The following CTNND2 variants were observed in gnomAD, a reference collection of about 807,000 sequenced individuals.
CTNND2 encodes catenin delta 2.
Under a neutral mutation model 144.4 loss-of-function variants are expected in CTNND2, and 22 were observed. The ratio of observed to expected loss-of-function variants is 0.15; its 90% CI spans 0.11 to 0.22. The LOEUF is 0.22. CTNND2 is among the 10% of genes least tolerant of loss of function. The probability of loss-of-function intolerance (pLI) is 1.00; values close to 1 mark genes in which losing one functional copy is unlikely to be tolerated. For synonymous variants in CTNND2, 751 were observed against 695.6 expected (o/e 1.08, Z -1.25); for missense variants, 1,353 against 1,618.8 (o/e 0.84, Z 2.82).
intron 2 of CTNND2, among the ~76,000 whole-genome samples, chr5:11,592,107 T>C (rs1263045235): frequency 2.0e-5 from 3 of 151,222 alleles, no homozygotes; most frequent in Non-Finnish European, 4.4e-5. Flanking sequence ...CAGGAACCTA[T>C]CTACCTTCCT....
chr5:11,643,216 T>C (rs1782159191), intron 2 of CTNND2, among the ~76,000 whole-genome samples: 1 of 130,516 alleles, frequency 7.7e-6, no homozygotes, highest in Admixed American at 7.2e-5. Flanking sequence ...TAATATTTTA[T>C]TTTTTATTTT....
intron 2 of CTNND2, among the ~76,000 whole-genome samples, chr5:11,645,835 G>T (rs993884456): frequency 3.3e-5 from 5 of 151,940 alleles, no homozygotes; most frequent in Non-Finnish European, 7.4e-5. Context: ...AAGTACAGTA[G>T]GAAATTTCAT....
At chr5:11,662,215 A>ATATG (rs771523388) in intron 2 of CTNND2, among the ~76,000 whole-genome samples, 2 of 102,302 alleles carry the variant, frequency 2.0e-5, no homozygotes, top group African/African-American at 1.4e-4. Flanking sequence ...GTATATATAT[A>ATATG]CATATATGTG....
At chr5:11,387,525 C>T (rs1759214340) in intron 6 of CTNND2, among the ~76,000 whole-genome samples, 1 of 152,164 alleles carries the variant, frequency 6.6e-6, no homozygotes. Flanking sequence ...TGAAGCTCTA[C>T]TGGGGTTCCC....
chr5:11,672,126 A>G (rs193269278), intron 2 of CTNND2, among the ~76,000 whole-genome samples: 2 of 152,318 alleles, frequency 1.3e-5, no homozygotes, highest in East Asian at 3.9e-4. Context: ...AGATCAGCAA[A>G]GATTCCTGCC....
At chr5:11,704,866 GT>G (rs748050004) in intron 2 of CTNND2, among the ~76,000 whole-genome samples, 10 of 151,678 alleles carry the variant, frequency 6.6e-5, no homozygotes, top group Non-Finnish European at 1.0e-4. Context: ...ATAATCACAC[GT>G]AATAAAAATG....
At chr5:11,501,731 T>C (rs552670608) in intron 3 of CTNND2, among the ~76,000 whole-genome samples, 1 of 151,534 alleles carries the variant, frequency 6.6e-6, no homozygotes, top group African/African-American at 2.4e-5. Context: ...GGCAGGAGGC[T>C]GGGCATGTGG....
At chr5:11,251,901 C>CTT (rs1743695998) in intron 9 of CTNND2, among the ~76,000 whole-genome samples, 1 of 152,104 alleles carries the variant, frequency 6.6e-6, no homozygotes, top group Admixed American at 6.5e-5. Context: ...CGTTTTATGA[C>CTT]TTTGAAAGTC....
chr5:11,082,852 A>G lies in CTNND2; in HGVS notation c.2638-6T>C, dbSNP rs770532897. The G allele has an allele frequency of 2.5e-6, 4 of 1,613,360 alleles. No homozygotes were observed. The highest frequency in any genetic ancestry group is 2.7e-5 in the African/African-American group (2 of 74,874). ...GCTCGGATATATACTGACCACTGCA[A>G]AAACAGGGAAGGCGAAGGGCGTTAG... On this transcript the variant is annotated splice_region_variant and splice_polypyrimidine_tract_variant and intron_variant, in intron 15 of 21. Transcript: ENST00000304623.
At chr5:11,594,347 C>A (rs574047732) in intron 2 of CTNND2, among the ~76,000 whole-genome samples, 1 of 152,024 alleles carries the variant, frequency 6.6e-6, no homozygotes, top group South Asian at 2.1e-4. Flanking sequence ...TAGCAAAAAC[C>A]AAAATTTTTC....
intron 13 of CTNND2, 89 bp downstream of exon 13, chr5:11,117,361 G>T: frequency 1.0e-6 from 1 of 957,452 alleles, no homozygotes; most frequent in Non-Finnish European, 1.7e-6. Flanking sequence ...CTGAAATACT[G>T]CATTGGCTCT....
chr5:11,382,494 AG>A (rs1431765351), intron 7 of CTNND2, among the ~76,000 whole-genome samples: 2 of 151,982 alleles, frequency 1.3e-5, no homozygotes, highest in African/African-American at 4.8e-5. Context: ...AGCTATCGGG[AG>A]GCTGAGGCGG....
chr5:11,750,900 T>C (rs1264612112), intron 1 of CTNND2, among the ~76,000 whole-genome samples: 1 of 151,836 alleles, frequency 6.6e-6, no homozygotes, highest in African/African-American at 2.4e-5. Flanking sequence ...ACTATGACTA[T>C]GAATACTCAT....
chr5:11,022,916 G>T lies in CTNND2; in HGVS notation c.2852C>A (p.Ala951Glu). 1 of 1,614,212 alleles carries T rather than the reference G, an allele frequency of 6.2e-7. No homozygotes were observed. Among genetic ancestry groups the T allele is most frequent in the Non-Finnish European group, 8.5e-7 (1 of 1,180,022 alleles). The change falls in exon 17 of 22, where the codon GCA (alanine) becomes GAA (glutamate). Residue 951 changes from alanine to glutamate, a missense_variant. Coordinates refer to ENST00000304623, the MANE Select transcript of CTNND2 (RefSeq NM_001332.4). ...TGTGTCATCCGACATGGCCTTGCTTGCAGTGTTGTTGCTGTTGTTCCCTCC... is the reference window on the plus strand; with the variant it reads ...TGTGTCATCCGACATGGCCTTGCTTTCAGTGTTGTTGCTGTTGTTCCCTCC... ...LPGGNNSNNTASKAMSDDTVT... is the reference protein window; with the variant it reads ...LPGGNNSNNTESKAMSDDTVT...
chr5:11,257,780 C>G (rs980776912), intron 9 of CTNND2, among the ~76,000 whole-genome samples: 2 of 152,218 alleles, frequency 1.3e-5, no homozygotes, highest in Admixed American at 1.3e-4. Context: ...TGTCCTGCCT[C>G]TCAGTGTCCC....
At chr5:11,431,204 T>C (rs1328688446) in intron 3 of CTNND2, among the ~76,000 whole-genome samples, 1 of 152,186 alleles carries the variant, frequency 6.6e-6, no homozygotes, top group Non-Finnish European at 1.5e-5. Context: ...GCTGGTATTC[T>C]ACGACTTAAG....
intron 2 of CTNND2, among the ~76,000 whole-genome samples, chr5:11,651,789 T>C (rs906350375): frequency 1.3e-5 from 2 of 152,258 alleles, no homozygotes; most frequent in African/African-American, 4.8e-5. Context: ...CCTCTTTGTT[T>C]TGGCTGATTT....
intron 6 of CTNND2, among the ~76,000 whole-genome samples, chr5:11,394,174 C>T (rs1759872033): frequency 6.6e-6 from 1 of 152,196 alleles, no homozygotes; most frequent in Admixed American, 6.5e-5. Flanking sequence ...CCCATAGAAA[C>T]CATCACTTTC....
chr5:11,690,397 G>A (rs781499971), intron 2 of CTNND2, among the ~76,000 whole-genome samples: 12 of 152,150 alleles, frequency 7.9e-5, no homozygotes, highest in Non-Finnish European at 1.2e-4. Flanking sequence ...GTAACACAGC[G>A]AAGTGAAGCA....
Sources: gnomAD v4.1 joint callset for allele counts (sites outside exome capture counted in the v4.1 genomes callset) on GRCh38, gnomAD v4.1.1 for gene constraint, MANE v1.5 for transcripts, NCBI Gene and HGNC (gene_info 2026-07-23, HGNC 2026-07-21) for gene names.